The following AKNA variants were observed in gnomAD, a reference collection of about 807,000 sequenced individuals.
The protein encoded by AKNA is AT-hook transcription factor.
In AKNA, 67 loss-of-function variants were observed where a neutral mutation model predicts 138.8. The observed-to-expected ratio is 0.48, with a 90% CI of 0.40 to 0.59. AKNA has a LOEUF of 0.59. Ranked by LOEUF, AKNA falls within the 20% of genes least tolerant of loss-of-function variation. The probability of loss-of-function intolerance (pLI) is 0.00; values close to 1 mark genes in which losing one functional copy is unlikely to be tolerated. For synonymous variants in AKNA, 737 were observed against 754.4 expected, an observed-to-expected ratio of 0.98 and a Z score of 0.38; for missense variants, 1,813 against 1,880.4, an observed-to-expected ratio of 0.96 and a Z score of 0.66.
intron 14 of AKNA, 145 bp from the exon 15 acceptor site, chr9:114,351,166 C>G: frequency 1.3e-6 from 1 of 797,926 alleles, no homozygotes; most frequent in Non-Finnish European, 2.0e-6. Flanking sequence ...GGCCAATGAC[C>G]CACACTGACC....
chr9:114,356,193 C>T (rs963565315), intron 13 of AKNA, 57 bp from the exon 14 acceptor site: 458 of 1,527,968 alleles, frequency 3.0e-4, no homozygotes, highest in Non-Finnish European at 3.7e-4. Context: ...GACACTCAGG[C>T]GGCAGCATCT....
rs368727647 is a variant in AKNA, at chr9:114,376,707, C to T, written c.1100G>A (p.Arg367Gln). The change falls in exon 3 of 22, where the codon CGG (arginine) becomes CAG (glutamine). Residue 367 changes from arginine to glutamine, a missense_variant. Arg to Gln is a conservative substitution (Grantham distance 43). Coordinates refer to ENST00000374088, the MANE Select transcript of AKNA (RefSeq NM_001317950.2). ...PLPDFSKVGP[R>Q]VRFPKDESYR... ...GCTCTCATCTTTGGGGAATCTCACC[C>T]GGGGCCCTACCTTGGAGAAATCAGG... 27 of 1,612,218 alleles carry T rather than the reference C, an allele frequency of 1.7e-5. No individual in the cohort carries two copies. The highest frequency in any genetic ancestry group is 1.6e-4 in the Middle Eastern group (1 of 6,064).
intron 11 of AKNA, 181 bp from the exon 12 acceptor site, chr9:114,358,348 C>T (rs979870982): frequency 6.4e-5 from 45 of 705,438 alleles, no homozygotes; most frequent in Middle Eastern, 8.0e-4. Flanking sequence ...TCCCCTCTCT[C>T]AACCTCACTT....
downstream of AKNA, chr9:114,331,472 T>C (rs1292497895): frequency 3.0e-6 from 3 of 995,566 alleles, no homozygotes; most frequent in African/African-American, 3.3e-5. Flanking sequence ...CTGATGGGCT[T>C]TGTGGCCCCG....
At position 114,339,701 on chromosome 9, in the gene AKNA, G is replaced by A. The variant is rs563491565; in HGVS notation, c.4067+1832C>T. On this transcript the variant is annotated intron_variant, in intron 21 of 21. Coordinates refer to ENST00000374088, the MANE Select transcript of AKNA (RefSeq NM_001317950.2). ...GGAACACTGGCAGGCGCTTTCCCCC[G>A]TGTCTGCTGGAGGTCTGAGCATGCA... Among the ~76,000 whole-genome samples the A allele has an allele frequency of 7.9e-5, 12 of 152,306 alleles. No homozygotes were observed. In the South Asian group the frequency reaches 1.9e-3, roughly 24 times the overall value.
At chr9:114,361,973 G>A (rs2131934027) in intron 8 of AKNA, 62 bp from the exon 9 acceptor site, 2 of 1,555,206 alleles carry the variant, frequency 1.3e-6, no homozygotes, top group East Asian at 4.5e-5. Context: ...GCAGGTCCAG[G>A]AACAGAGTAT....
At chr9:114,397,675 C>A (rs1834573689), upstream of AKNA, among the ~76,000 whole-genome samples, 3 of 152,346 alleles carry the variant, frequency 2.0e-5, no homozygotes, top group South Asian at 6.2e-4. Context: ...CCCCATCACA[C>A]TGGGGAGAGC....
Position 114,339,822 on chromosome 9 carries a change from C to T in AKNA, c.4067+1711G>A, listed in dbSNP as rs551541017. Among the ~76,000 whole-genome samples, 4 of 152,288 alleles carry T rather than the reference C, an allele frequency of 2.6e-5. No homozygotes were observed. The East Asian group carries it at 5.8e-4, about 22-fold the overall frequency. Reference sequence around the variant, plus strand: ...CAAGAAAGCAAATTTACATACCGGGCGCGGTGGCTACACCTTGTAATGCCA... The same window carrying T: ...CAAGAAAGCAAATTTACATACCGGGTGCGGTGGCTACACCTTGTAATGCCA... On this transcript the variant is annotated intron_variant, in intron 21 of 21. Coordinates refer to ENST00000374088, the MANE Select transcript of AKNA (RefSeq NM_001317950.2).
intron 12 of AKNA, 53 bp downstream of exon 12, chr9:114,357,868 G>C: frequency 6.3e-7 from 1 of 1,576,356 alleles, no homozygotes; most frequent in Non-Finnish European, 8.5e-7. Flanking sequence ...AAGTTGAGAA[G>C]ACCCAGGAAT....
At chr9:114,367,430 G>A in intron 6 of AKNA, 113 bp downstream of exon 6, 1 of 1,322,606 alleles carries the variant, frequency 7.6e-7, no homozygotes, top group Non-Finnish European at 1.0e-6. Flanking sequence ...TCGGTGCAGA[G>A]GCAGGGGAAT....
At position 114,347,782 on chromosome 9, in the gene AKNA, C is replaced by T. The variant is rs750821301; in HGVS notation, c.3340G>A (p.Ala1114Thr). Residue 1114 changes from alanine (A) to threonine (T), a missense_variant, in exon 16 of 22, where the codon GCC (alanine) becomes ACC (threonine). Physicochemically the swap from Ala to Thr is moderately conservative, Grantham distance 58. Transcript: ENST00000374088. ...TCTGCTGGCCGGCCGCGGGTCCGGG[C>T]GGGGCGGTCAAAGGCAGATGCTGGG... ...TRPASAFDRP[A>T]RTRGRPADSP... 10 of 1,547,604 alleles carry T rather than the reference C, an allele frequency of 6.5e-6. No homozygotes were observed. The highest frequency in any genetic ancestry group is 3.6e-5 in the South Asian group (3 of 83,568).
In AKNA at chr9:114,353,716, G is replaced by A. The variant is rs546644978; in HGVS notation, c.3058+2209C>T. Among the ~76,000 whole-genome samples the A allele has an allele frequency of 8.5e-5, 13 of 152,248 alleles. No homozygotes were observed. In the South Asian group the frequency reaches 2.3e-3, roughly 27 times the overall value. Reference sequence around the variant, plus strand: ...TAGATGGAATAGCCCATTATTGTAGGCTACAAACCTCTACAACATTGCCTG... The same window carrying A: ...TAGATGGAATAGCCCATTATTGTAGACTACAAACCTCTACAACATTGCCTG... On this transcript the variant is annotated intron_variant, in intron 14 of 21. Coordinates refer to ENST00000374088, the MANE Select transcript of AKNA (RefSeq NM_001317950.2).
At chr9:114,389,082 C>T (rs573365732), upstream of AKNA, among the ~76,000 whole-genome samples, 2 of 152,256 alleles carry the variant, frequency 1.3e-5, no homozygotes, top group East Asian at 3.9e-4. Flanking sequence ...TCAAATAAGG[C>T]ACTGGAAGGA....
rs73656044 is a variant in AKNA, at chr9:114,351,042, C to G, written c.3059-21G>C. The G allele has an allele frequency of 5.7e-3, 9,106 of 1,610,616 alleles. 452 individuals carry two copies. The African/African-American group carries it at 0.11, about 19-fold the overall frequency. On this transcript the variant is annotated intron_variant, in intron 14 of 21. Coordinates refer to ENST00000374088, the MANE Select transcript of AKNA (RefSeq NM_001317950.2). ...AACCGCTAGGGAGGCAGAGAGAGAA[C>G]CCAAAGTGAGTTTAAGCAGAGAGAA...
intron 15 of AKNA, among the ~76,000 whole-genome samples, chr9:114,348,582 G>A (rs1438358057): frequency 2.0e-5 from 3 of 152,210 alleles, no homozygotes; most frequent in Non-Finnish European, 4.4e-5. Context: ...GAAGCTGTCT[G>A]CAAGACTATA....
intron 8 of AKNA, 46 bp from the exon 9 acceptor site, chr9:114,361,957 C>T (rs1832002000): frequency 6.3e-7 from 1 of 1,586,982 alleles, no homozygotes; most frequent in East Asian, 2.2e-5. Context: ...ATGGCAGCTA[C>T]ATCAGGCAGG....
downstream of AKNA, chr9:114,331,472 T>G (rs1292497895): frequency 5.9e-5 from 59 of 995,552 alleles, no homozygotes; most frequent in East Asian, 9.6e-4. Flanking sequence ...CTGATGGGCT[T>G]TGTGGCCCCG....
chr9:114,395,772 C>G (rs574174352), upstream of AKNA, among the ~76,000 whole-genome samples: 30 of 150,972 alleles, frequency 2.0e-4, no homozygotes, highest in African/African-American at 6.6e-4. Context: ...TAAGAAAAAG[C>G]CCTGATTTGT....
chr9:114,385,106 G>A (rs555019105), intron 1 of AKNA, among the ~76,000 whole-genome samples: 52 of 152,190 alleles, frequency 3.4e-4, no homozygotes, highest in African/African-American at 1.1e-3. Context: ...CTCCTGCCTC[G>A]GCCTCCCTAT....
Sources: allele counts gnomAD v4.1 joint callset (sites outside exome capture counted in the v4.1 genomes callset), GRCh38; gene constraint gnomAD v4.1.1; transcripts MANE v1.5; gene names NCBI Gene and HGNC (gene_info 2026-07-23, HGNC 2026-07-21).